Variants in RAD51B observed in about 807,000 individuals in gnomAD.
RAD51B encodes the protein DNA repair protein RAD51 homolog 2.
A neutral mutation model predicts 42.2 loss-of-function variants in RAD51B; 38 were observed. The observed-to-expected ratio is 0.90, with a 90% CI of 0.70 to 1.18. RAD51B has a LOEUF of 1.18. RAD51B is among the 50% of genes most tolerant of loss of function. RAD51B has a pLI of 0.00. For missense variants in RAD51B, 373 were observed against 400.7 expected (o/e 0.93, Z 0.59); for synonymous variants, 154 against 145.2 (o/e 1.06, Z -0.43).
At chr14:68,371,822 A>G (rs2083271590) in intron 8 of RAD51B, among the ~76,000 whole-genome samples, 1 of 152,260 alleles carries the variant, frequency 6.6e-6, no homozygotes, top group African/African-American at 2.4e-5. Flanking sequence ...CTGCACTCCA[A>G]CCTAGGCCAT....
At chr14:68,140,893 A>G (rs1365703864) in intron 7 of RAD51B, among the ~76,000 whole-genome samples, 2 of 152,216 alleles carry the variant, frequency 1.3e-5, no homozygotes, top group Non-Finnish European at 2.9e-5. Context: ...TTATATTCCA[A>G]TCAATTTGAA....
intron 7 of RAD51B, among the ~76,000 whole-genome samples, chr14:68,067,479 A>AAAAC (rs1389865268): frequency 7.1e-6 from 1 of 140,248 alleles, no homozygotes; most frequent in African/African-American, 2.9e-5. Context: ...AAAAAAAACA[A>AAAAC]AAAAAAAAAA....
intron 7 of RAD51B, among the ~76,000 whole-genome samples, chr14:67,913,590 A>C (rs151246838): frequency 1.3e-5 from 2 of 152,216 alleles, no homozygotes; most frequent in African/African-American, 4.8e-5. Context: ...TCACTGCCAC[A>C]TACCAGTTTT....
At chr14:68,192,484 A>G (rs1595532933) in intron 7 of RAD51B, among the ~76,000 whole-genome samples, 1 of 152,218 alleles carries the variant, frequency 6.6e-6, no homozygotes, top group East Asian at 1.9e-4. Flanking sequence ...TGATGATAAT[A>G]GAAACACTAA....
intron 7 of RAD51B, among the ~76,000 whole-genome samples, chr14:68,006,211 T>A (rs753818657): frequency 6.6e-6 from 1 of 152,220 alleles, no homozygotes; most frequent in Non-Finnish European, 1.5e-5. Flanking sequence ...ATTTGAGTTG[T>A]CTGCCTTTTT....
chr14:68,199,735 G>T (rs2079445732), intron 7 of RAD51B, among the ~76,000 whole-genome samples: 1 of 152,170 alleles, frequency 6.6e-6, no homozygotes. Flanking sequence ...GAGGGCCTGG[G>T]TCTCATCTTC....
At chr14:68,342,942 A>G (rs1428236831) in intron 8 of RAD51B, among the ~76,000 whole-genome samples, 4 of 149,500 alleles carry the variant, frequency 2.7e-5, no homozygotes, top group Non-Finnish European at 4.4e-5. Context: ...CCTGCTCCTT[A>G]TCTTTAAAGT....
chr14:68,364,517 G>T (rs953473529), intron 8 of RAD51B, among the ~76,000 whole-genome samples: 1 of 151,968 alleles, frequency 6.6e-6, no homozygotes, highest in African/African-American at 2.4e-5. Flanking sequence ...GGCTCCACTC[G>T]CCAGCAGCCC....
intron 10 of RAD51B, among the ~76,000 whole-genome samples, chr14:68,570,172 C>T (rs1327974331): frequency 1.4e-4 from 22 of 152,110 alleles, no homozygotes; most frequent in Admixed American, 1.4e-3. Context: ...GGTCCCCATA[C>T]CCAGGTCCCT....
intron 7 of RAD51B, among the ~76,000 whole-genome samples, chr14:68,102,266 G>A (rs1029857920): frequency 2.0e-5 from 3 of 152,206 alleles, no homozygotes; most frequent in Non-Finnish European, 4.4e-5. Context: ...GTCTTGGCAA[G>A]TAACATTTGA....
In RAD51B at chr14:68,210,021, G is replaced by A. The variant is rs1461096142; in HGVS notation, c.757-81863G>A. 5.3e-5 allele frequency among the ~76,000 whole-genome samples: 8 copies of A among 150,596 alleles called. No homozygotes were observed. In the South Asian group the frequency reaches 6.3e-4, roughly 12 times the overall value. On this transcript the variant is annotated intron_variant, in intron 7 of 10. Coordinates refer to ENST00000471583, the MANE Select transcript of RAD51B (RefSeq NM_133510.4). ...GTCACCCAGGCTGGAGTGCAGTGGC[G>A]CCATCTCAGCTCACTGCAACCTCCG... is the stretch of plus-strand genomic sequence containing the variant.
intron 7 of RAD51B, among the ~76,000 whole-genome samples, chr14:67,911,018 G>A (rs1321226716): frequency 1.3e-5 from 2 of 152,018 alleles, no homozygotes; most frequent in African/African-American, 2.4e-5. Context: ...AGGTGTCACT[G>A]TGTTGGCCAG....
intron 7 of RAD51B, among the ~76,000 whole-genome samples, chr14:68,030,028 A>G (rs2076017359): frequency 6.6e-6 from 1 of 152,232 alleles, no homozygotes. Flanking sequence ...AAGTCTCAAC[A>G]CTGGACTTAA....
chr14:67,899,285 G>A (rs113587323), intron 7 of RAD51B, among the ~76,000 whole-genome samples: 5,274 of 151,682 alleles, frequency 0.035, 201 homozygotes, highest in African/African-American at 0.094. Context: ...TCCTGACCTC[G>A]TGATCTGCCC....
chr14:68,334,276 A>G (rs1435814259), intron 8 of RAD51B, among the ~76,000 whole-genome samples: 3 of 152,166 alleles, frequency 2.0e-5, no homozygotes, highest in African/African-American at 7.2e-5. Flanking sequence ...CAGTCAACAC[A>G]TACTTTGTAT....
intron 10 of RAD51B, among the ~76,000 whole-genome samples, chr14:68,606,511 A>G (rs1435600331): frequency 6.6e-6 from 1 of 152,200 alleles, no homozygotes; most frequent in Non-Finnish European, 1.5e-5. Context: ...CATTATGTTG[A>G]CTTTTTTTCC....
chr14:68,615,938 G>A (rs1185613736), downstream of RAD51B, among the ~76,000 whole-genome samples: 1 of 152,112 alleles, frequency 6.6e-6, no homozygotes, highest in Non-Finnish European at 1.5e-5. Context: ...GTTTAGGTAT[G>A]TCATCTTACT....
At chr14:68,113,322 G>A (rs1254377112) in intron 7 of RAD51B, among the ~76,000 whole-genome samples, 2 of 152,064 alleles carry the variant, frequency 1.3e-5, no homozygotes, top group African/African-American at 4.8e-5. Flanking sequence ...ATAGCTAAGA[G>A]TTTTGAACAA....
chr14:68,542,324 G>T (rs373892685), intron 10 of RAD51B, among the ~76,000 whole-genome samples: 7 of 152,108 alleles, frequency 4.6e-5, no homozygotes, highest in African/African-American at 1.4e-4. Flanking sequence ...AAGAAAACTT[G>T]TTCTAAGGGC....
Sources: allele counts gnomAD v4.1 joint callset (sites outside exome capture counted in the v4.1 genomes callset), GRCh38; gene constraint gnomAD v4.1.1; transcripts MANE v1.5; gene names NCBI Gene and HGNC (gene_info 2026-07-23, HGNC 2026-07-21).